The following VAV1 variants were observed in gnomAD, a reference collection of about 807,000 sequenced individuals.
VAV1 encodes vav guanine nucleotide exchange factor 1.
A neutral mutation model predicts 128.1 loss-of-function variants in VAV1; 33 were observed. That is an observed-to-expected ratio of 0.26 (90% confidence interval 0.20 to 0.34). The LOEUF (loss-of-function observed/expected upper bound fraction) is 0.34, where lower values mean the gene tolerates loss of function less well. Ranked by LOEUF, VAV1 falls within the 10% of genes least tolerant of loss-of-function variation. The pLI is 1.00. For synonymous variants in VAV1, 394 were observed against 409.8 expected, an observed-to-expected ratio of 0.96 and a Z score of 0.47; for missense variants, 715 against 1,093.7, an observed-to-expected ratio of 0.65 and a Z score of 4.88.
rs892004274 is a variant in VAV1 at position 6,777,151 on chromosome 19, A to G, written c.204+4140A>G. ...ATCCATCCACCCATCCCATCCATCC[A>G]TCCACTCATCCACCCGTCTACTCAT... On this transcript the variant is annotated intron_variant, in intron 1 of 26. Coordinates refer to ENST00000602142, the MANE Select transcript of VAV1 (RefSeq NM_005428.4). The surrounding 1 kb of genome is among the most constrained non-coding windows in gnomAD (Gnocchi z 4.4). 6.6e-5 allele frequency among the ~76,000 whole-genome samples: 10 copies of G among 151,036 alleles called. No individual in the cohort carries two copies. Among genetic ancestry groups the G allele is most frequent in the African/African-American group, 2.0e-4 (8 of 41,012 alleles).
chr19:6,774,427 C>A (rs887031505), intron 1 of VAV1, among the ~76,000 whole-genome samples: 1 of 91,584 alleles, frequency 1.1e-5, no homozygotes, highest in Non-Finnish European at 2.0e-5. Flanking sequence ...CGCGCCCAGC[C>A]TTTTTTTTTT....
chr19:6,833,252 C>A lies in VAV1; in HGVS notation c.1577C>A (p.Thr526Asn). The change falls in exon 16 of 27, where the codon ACC (threonine) becomes AAC (asparagine). Residue 526 changes from threonine (T) to asparagine (N), a missense_variant. Transcript: ENST00000602142. ...TTCCAGATGTTCTCCTTTGAGGAGACCACATCCTGCAAGGCCTGTCAGATG... is the reference window on the plus strand; with the variant it reads ...TTCCAGATGTTCTCCTTTGAGGAGAACACATCCTGCAAGGCCTGTCAGATG... ...HDFQMFSFEETTSCKACQMLL... is the reference protein window; with the variant it reads ...HDFQMFSFEENTSCKACQMLL... 1.9e-6 allele frequency: 3 copies of A among 1,613,552 alleles called. No individual in the cohort carries two copies. The highest frequency in any genetic ancestry group is 2.5e-6 in the Non-Finnish European group (3 of 1,179,870).
In VAV1 at chr19:6,843,154, C is replaced by G. The variant is rs747601332; in HGVS notation, c.2000C>G (p.Ser667Cys). ...TCTTAGGGCCCTCCTCAGGACCTGT[C>G]TGTTCATCTCTGGTGAGTAGAAACA... The part of the protein sequence containing the change: ...PYVHGPPQDL[S>C]VHLWYAGPME... The change falls in exon 22 of 27, where the codon TCT (serine) becomes TGT (cysteine). Residue 667 changes from serine to cysteine, a missense_variant. Physicochemically the swap from Ser to Cys is moderately radical, Grantham distance 112. Around this residue, in one of 3 missense-constraint regions of VAV1, gnomAD observed 407 missense variants for 580.6 expected, o/e 0.70. Transcript: ENST00000602142. 14 of 1,614,008 alleles carry G rather than the reference C, an allele frequency of 8.7e-6. No individual in the cohort carries two copies. The South Asian group carries it at 1.3e-4, about 15-fold the overall frequency.
At chr19:6,793,693 G>A (rs889972891) in intron 1 of VAV1, among the ~76,000 whole-genome samples, 1 of 152,150 alleles carries the variant, frequency 6.6e-6, no homozygotes, top group Non-Finnish European at 1.5e-5. Context: ...ACTAGGGACA[G>A]CAAATAATGT....
At chr19:6,795,974 C>T (rs1971123861) in intron 1 of VAV1, among the ~76,000 whole-genome samples, 1 of 152,130 alleles carries the variant, frequency 6.6e-6, no homozygotes. Context: ...TGAGCCACCG[C>T]ACCCGGCTAG....
chr19:6,828,671 G>T lies in VAV1; in HGVS notation c.1142G>T (p.Arg381Leu), dbSNP rs752674851. Residue 381 changes from arginine to leucine, a missense_variant, in exon 12 of 27, where the codon CGA (arginine) becomes CTA (leucine). Coordinates refer to ENST00000602142, the MANE Select transcript of VAV1 (RefSeq NM_005428.4). The surrounding 1 kb of genome is among the most constrained non-coding windows in gnomAD (Gnocchi z 4.5). The stretch of plus-strand genomic sequence containing the variant: ...GTCAAGCGAGACAACGAGACACTGC[G>T]ACAGATCACCAATTTCCAGCTGTCC... ...NEVKRDNETLRQITNFQLSIE... is the reference protein window; with the variant it reads ...NEVKRDNETLLQITNFQLSIE... 2 of 1,614,172 alleles carry T rather than the reference G, an allele frequency of 1.2e-6. No homozygotes were observed. Among genetic ancestry groups the T allele is most frequent in the African/African-American group, 2.7e-5 (2 of 75,066 alleles).
rs967076291 is a variant in VAV1, at chr19:6,822,980, A to T, written c.654+466A>T. Among the ~76,000 whole-genome samples the T allele has an allele frequency of 1.4e-5, 2 of 147,818 alleles. No individual in the cohort carries two copies. The highest frequency in any genetic ancestry group is 3.0e-5 in the Non-Finnish European group (2 of 67,126). On this transcript the variant is annotated intron_variant, in intron 6 of 26. Coordinates refer to ENST00000602142, the MANE Select transcript of VAV1 (RefSeq NM_005428.4). The surrounding 1 kb of genome is among the most constrained non-coding windows in gnomAD (Gnocchi z 5.9). ...AATAATATATACAATATATAAATATATAAAATATAAAATGTAGATATATTG... is the reference window on the plus strand; with the variant it reads ...AATAATATATACAATATATAAATATTTAAAATATAAAATGTAGATATATTG...
rs1354337952 is a variant in VAV1 at position 6,820,597 on chromosome 19, C to T, written c.205-105C>T. ...TCAATTTCATGGAAGAGGGTCTGTG[C>T]TTTCATTTCCCCTCCACACCAGTCC... On this transcript the variant is annotated intron_variant, in intron 1 of 26. Coordinates refer to ENST00000602142, the MANE Select transcript of VAV1 (RefSeq NM_005428.4). This position sits in a 1 kb window ranked among gnomAD's most constrained non-coding sequence, Gnocchi z 4.4. The T allele has an allele frequency of 1.2e-6, 1 of 810,752 alleles. No individual in the cohort carries two copies. The highest frequency in any genetic ancestry group is 1.7e-5 in the African/African-American group (1 of 58,994). 50.2% of individuals were successfully genotyped at this position (810,752 alleles called of 1,614,324 possible). A position where few individuals can be genotyped will look rare whatever the true frequency, so the allele number is the denominator to read the frequency against.
At chr19:6,776,620 C>T (rs1477535572) in intron 1 of VAV1, among the ~76,000 whole-genome samples, 2 of 151,964 alleles carry the variant, frequency 1.3e-5, no homozygotes, top group Middle Eastern at 3.2e-3. Flanking sequence ...ATCCATCCAT[C>T]CACTCATTTA....
chr19:6,789,611 C>T (rs2071560400), intron 1 of VAV1, among the ~76,000 whole-genome samples: 1 of 151,524 alleles, frequency 6.6e-6, no homozygotes, highest in South Asian at 2.1e-4. Flanking sequence ...TTCCTTCCTT[C>T]CTTTCTGATG....
chr19:6,793,579 T>C (rs1356754566), intron 1 of VAV1, among the ~76,000 whole-genome samples: 1 of 151,976 alleles, frequency 6.6e-6, no homozygotes, highest in African/African-American at 2.4e-5. Flanking sequence ...CCAGTGCTTA[T>C]ATAGTACAGG....
intron 1 of VAV1, among the ~76,000 whole-genome samples, chr19:6,814,745 G>A (rs148374760): frequency 7.9e-3 from 443 of 55,750 alleles, no homozygotes; most frequent in Non-Finnish European, 0.013. Flanking sequence ...TTTTCCCTCT[G>A]TCTTGTCTTG....
chr19:6,839,211 T>G (rs1972307428), intron 21 of VAV1, among the ~76,000 whole-genome samples: 1 of 150,646 alleles, frequency 6.6e-6, no homozygotes, highest in Non-Finnish European at 1.5e-5. Context: ...GCAGCTGTTT[T>G]TTTGTGTGTG....
chr19:6,781,789 G>A (rs1970772386), intron 1 of VAV1, among the ~76,000 whole-genome samples: 1 of 151,996 alleles, frequency 6.6e-6, no homozygotes. Context: ...TGTATTTTTA[G>A]TAGAGACAGG....
intron 6 of VAV1, among the ~76,000 whole-genome samples, chr19:6,823,611 GCCTCTT>G (rs1971848831): frequency 6.6e-6 from 1 of 151,752 alleles, no homozygotes; most frequent in Non-Finnish European, 1.5e-5. Context: ...GCTGCACTGG[GCCTCTT>G]CCTCTTGTCT....
At chr19:6,811,312 A>G (rs1021455354) in intron 1 of VAV1, among the ~76,000 whole-genome samples, 1 of 152,196 alleles carries the variant, frequency 6.6e-6, no homozygotes, top group African/African-American at 2.4e-5. Context: ...CTGGGATTAT[A>G]AGCATCAGCC....
At chr19:6,802,688 G>A (rs771240640) in intron 1 of VAV1, among the ~76,000 whole-genome samples, 7 of 152,144 alleles carry the variant, frequency 4.6e-5, no homozygotes, top group Non-Finnish European at 8.8e-5. Context: ...CTCTCTAAGA[G>A]GCACCAGGAG....
chr19:6,780,028 A>G lies in VAV1; in HGVS notation c.204+7017A>G, dbSNP rs559971093. Among the ~76,000 whole-genome samples, 1,336 of 148,238 alleles carry G rather than the reference A, an allele frequency of 9.0e-3. 25 individuals carry two copies. The highest frequency in any genetic ancestry group is 0.029 in the African/African-American group (1,169 of 40,776). On this transcript the variant is annotated intron_variant, in intron 1 of 26. Transcript: ENST00000602142. Reference sequence around the variant, plus strand: ...CGGGAGGCTGAAGCAGGAGAATGGCATGAACCTGGGAGGCGGAGCTTGCAG... The same window carrying G: ...CGGGAGGCTGAAGCAGGAGAATGGCGTGAACCTGGGAGGCGGAGCTTGCAG...
At chr19:6,830,698 C>T (rs537696620) in intron 14 of VAV1, among the ~76,000 whole-genome samples, 2 of 152,218 alleles carry the variant, frequency 1.3e-5, no homozygotes, top group South Asian at 2.1e-4. Flanking sequence ...TCTTGGCCTC[C>T]CAAAGTGCTG....
Sources: gnomAD v4.1 joint callset for allele counts (sites outside exome capture counted in the v4.1 genomes callset) on GRCh38, gnomAD v4.1.1 for gene constraint, gnomAD v4.1.1 regional missense constraint, Gnocchi (gnomAD v3.1) non-coding constraint, MANE v1.5 for transcripts, NCBI Gene and HGNC (gene_info 2026-07-23, HGNC 2026-07-21) for gene names.